The following ZMYND8 variants were observed in gnomAD, a reference collection of about 807,000 sequenced individuals.
ZMYND8 encodes MYND-type zinc finger-containing chromatin reader ZMYND8.
ZMYND8 carries 37 observed loss-of-function variants against 140.8 expected under a neutral mutation model. The ratio of observed to expected loss-of-function variants is 0.26; its 90% confidence interval spans 0.20 to 0.35. ZMYND8 has a LOEUF of 0.35. Among genes scored for constraint, ZMYND8 ranks in the 10% least tolerant of loss-of-function variants. The pLI is 1.00. For missense variants in ZMYND8, 1,068 were observed against 1,570.0 expected (o/e 0.68, Z 5.40); for synonymous variants, 592 against 597.1 (o/e 0.99, Z 0.12).
intron 11 of ZMYND8, among the ~76,000 whole-genome samples, chr20:47,271,006 GGCGGAGCTTGCAGTGA>G (rs1215972767): frequency 6.6e-6 from 1 of 152,100 alleles, no homozygotes; most frequent in Non-Finnish European, 1.5e-5. Flanking sequence ...GAACCCAGGA[GGCGGAGCTTGCAGTGA>G]GCCGAGATCG....
chr20:47,249,781 A>G lies in ZMYND8; in HGVS notation c.1622-342T>C, dbSNP rs118001243. On this transcript the variant is annotated intron_variant, in intron 12 of 22. Transcript: ENST00000471951. ...GACAAAGGTTATGGGCAGATATTCA[A>G]TCTCAATTTCAGTGAACAAAGCAAC... Among the ~76,000 whole-genome samples, 134 of 152,306 alleles carry G rather than the reference A, an allele frequency of 8.8e-4. 2 individuals are homozygous for G. The East Asian group carries it at 0.025, about 28-fold the overall frequency.
chr20:47,293,542 T>G (rs2077439096), intron 5 of ZMYND8, among the ~76,000 whole-genome samples: 1 of 152,174 alleles, frequency 6.6e-6, no homozygotes, highest in South Asian at 2.1e-4. Context: ...ATTCTCACCC[T>G]CTACAGAAAA....
intron 10 of ZMYND8, among the ~76,000 whole-genome samples, chr20:47,279,750 G>A (rs1189713011): frequency 2.8e-5 from 4 of 141,162 alleles, no homozygotes; most frequent in Non-Finnish European, 6.2e-5. Flanking sequence ...CAATTGGTTG[G>A]TGTCCGCTTT....
intron 12 of ZMYND8, among the ~76,000 whole-genome samples, chr20:47,258,871 T>C (rs140028159): frequency 6.6e-6 from 1 of 152,218 alleles, no homozygotes; most frequent in African/African-American, 2.4e-5. Flanking sequence ...CGTTAGGTCA[T>C]TGCAATCCCA....
rs115522566 is a variant in ZMYND8 at position 47,244,591 on chromosome 20, A to T, written c.2284+1417T>A. On this transcript the variant is annotated intron_variant, in intron 14 of 22. Coordinates refer to ENST00000471951, the MANE Select transcript of ZMYND8 (RefSeq NM_001281775.3). ...CTCAGGGGATATTTGGCAATATTTGATTGCCACATTTGTGACTGCCACAAC... is the reference window on the plus strand; with the variant it reads ...CTCAGGGGATATTTGGCAATATTTGTTTGCCACATTTGTGACTGCCACAAC... Among the ~76,000 whole-genome samples, 389 of 152,284 alleles carry T rather than the reference A, an allele frequency of 2.6e-3. 3 individuals carry two copies. The highest frequency in any genetic ancestry group is 9.0e-3 in the African/African-American group (373 of 41,552).
In ZMYND8 at chr20:47,310,062, CTTA is replaced by C; in HGVS notation, c.225_227del (p.Asn75del). The C allele has an allele frequency of 6.2e-7, 1 of 1,614,200 alleles. No homozygotes were observed. Among genetic ancestry groups the C allele is most frequent in the Non-Finnish European group, 8.5e-7 (1 of 1,180,034 alleles). On this transcript the variant is annotated inframe_deletion, in exon 3 of 23. Transcript: ENST00000471951. ...TTCCCAGCGGCTGCTTTACCTGCTC[CTTA>C]TTGTTACTGTTCAGTAAGCCAGGTT...
At chr20:47,336,209 CTAA>C (rs1476488012) in intron 2 of ZMYND8, among the ~76,000 whole-genome samples, 1 of 152,136 alleles carries the variant, frequency 6.6e-6, no homozygotes, top group Non-Finnish European at 1.5e-5. Context: ...GGATCCTGTG[CTAA>C]TTAAGGTCTG....
chr20:47,326,643 A>C (rs1484216624), intron 2 of ZMYND8, among the ~76,000 whole-genome samples: 1 of 152,148 alleles, frequency 6.6e-6, no homozygotes, highest in Non-Finnish European at 1.5e-5. Flanking sequence ...GGGTTCTCCA[A>C]GTCTGCCCCT....
rs893296424 is a variant in ZMYND8 at position 47,249,366 on chromosome 20, G to A, written c.1695C>T (p.Leu565=). The A allele has an allele frequency of 2.5e-6, 4 of 1,614,054 alleles. No individual in the cohort carries two copies. The African/African-American group carries it at 4.0e-5, about 16-fold the overall frequency. Residue 565 remains leucine, a synonymous_variant, in exon 13 of 23, where the codon CTC becomes CTT. Transcript: ENST00000471951. ...TACGAATCTGGCGCTTGGGAGAGAT[G>A]AGAGGAACAGGGGTGGACTGTTGCT... is the stretch of plus-strand genomic sequence containing the variant. ...SVQQQSTPVP[L]ISPKRQIRSR...
At chr20:47,243,934 G>A (rs2040243370) in intron 14 of ZMYND8, among the ~76,000 whole-genome samples, 1 of 152,182 alleles carries the variant, frequency 6.6e-6, no homozygotes. Flanking sequence ...ATTTTTCAGA[G>A]GCCATCTATA....
intron 2 of ZMYND8, among the ~76,000 whole-genome samples, chr20:47,314,500 AAAAAC>A (rs1281625234): frequency 1.3e-5 from 2 of 152,342 alleles, no homozygotes; most frequent in South Asian, 4.1e-4. Flanking sequence ...CTCCATCTTT[AAAAAC>A]AAAACAAAAC....
chr20:47,341,760 T>C (rs374104819), intron 2 of ZMYND8, among the ~76,000 whole-genome samples: 2 of 152,046 alleles, frequency 1.3e-5, no homozygotes, highest in African/African-American at 4.8e-5. Context: ...TCCCAGCACT[T>C]TGGGAGGCTG....
chr20:47,251,711 G>A (rs2074188923), intron 12 of ZMYND8, among the ~76,000 whole-genome samples: 1 of 152,244 alleles, frequency 6.6e-6, no homozygotes, highest in African/African-American at 2.4e-5. Context: ...AATAAGGAAT[G>A]GGGAACACTA....
chr20:47,309,035 G>T (rs1193464041), intron 3 of ZMYND8, among the ~76,000 whole-genome samples: 3 of 152,184 alleles, frequency 2.0e-5, no homozygotes, highest in South Asian at 4.1e-4. Flanking sequence ...AGTCCAGGGG[G>T]ATAGATACAA....
intron 3 of ZMYND8, among the ~76,000 whole-genome samples, chr20:47,304,866 T>A (rs192245222): frequency 2.2e-3 from 328 of 152,228 alleles, no homozygotes; most frequent in Middle Eastern, 3.4e-3. Flanking sequence ...ACTCCTAGTG[T>A]TGCCTGACCT....
chr20:47,345,295 G>A (rs2082246237), intron 2 of ZMYND8, among the ~76,000 whole-genome samples: 1 of 152,064 alleles, frequency 6.6e-6, no homozygotes, highest in African/African-American at 2.4e-5. Context: ...AAGACACACA[G>A]GGGCCCCAAG....
At chr20:47,228,313 C>T (rs1020806952) in intron 17 of ZMYND8, among the ~76,000 whole-genome samples, 15 of 152,094 alleles carry the variant, frequency 9.9e-5, no homozygotes, top group African/African-American at 3.4e-4. Context: ...GTTCAAACGT[C>T]AGTATAGCTA....
chr20:47,344,883 A>C (rs1171597258), intron 2 of ZMYND8, among the ~76,000 whole-genome samples: 2 of 152,142 alleles, frequency 1.3e-5, no homozygotes, highest in Non-Finnish European at 1.5e-5. Flanking sequence ...GAGGTCAAAG[A>C]GGGAGGATCA....
chr20:47,238,417 T>G (rs1182858061), intron 15 of ZMYND8: 1 of 383,896 alleles, frequency 2.6e-6, no homozygotes, highest in Non-Finnish European at 4.8e-6. Context: ...TAGAAAAGCT[T>G]TTACAACGGT....
Sources: gnomAD v4.1 joint callset for allele counts (sites outside exome capture counted in the v4.1 genomes callset) on GRCh38, gnomAD v4.1.1 for gene constraint, MANE v1.5 for transcripts, NCBI Gene and HGNC (gene_info 2026-07-23, HGNC 2026-07-21) for gene names.